Variants in HEATR4 observed in about 807,000 individuals in gnomAD.
HEATR4 encodes HEAT repeat containing 4.
A neutral mutation model predicts 108.8 loss-of-function variants in HEATR4; 95 were observed. That is an observed-to-expected ratio of 0.87 (90% confidence interval 0.74 to 1.04). The LOEUF (loss-of-function observed/expected upper bound fraction) is 1.04. Ranked by LOEUF, HEATR4 falls within the 50% of genes least tolerant of loss-of-function variation. The pLI is 0.00. For synonymous variants in HEATR4, 443 were observed against 459.4 expected (o/e 0.96, Z 0.46); for missense variants, 1,152 against 1,253.8 (o/e 0.92, Z 1.23).
chr14:73,585,798 G>C, the HEATR4 span, among the ~76,000 whole-genome samples: 1 of 149,854 alleles, frequency 6.7e-6, no homozygotes, highest in Non-Finnish European at 1.5e-5. Flanking sequence ...AAAAGTATAG[G>C]AGACCACTGT....
intron 4 of HEATR4, among the ~76,000 whole-genome samples, chr14:73,519,689 A>G (rs1170354769): frequency 6.6e-6 from 1 of 152,158 alleles, no homozygotes; most frequent in African/African-American, 2.4e-5. Flanking sequence ...ACTGCACTCC[A>G]GCCTAGGCAA....
At chr14:73,482,479 G>A (rs966829632) in intron 17 of HEATR4, among the ~76,000 whole-genome samples, 5 of 152,070 alleles carry the variant, frequency 3.3e-5, no homozygotes, top group Non-Finnish European at 7.4e-5. Flanking sequence ...CCGAGACTGC[G>A]CCACTGCACT....
the HEATR4 span, among the ~76,000 whole-genome samples, chr14:73,606,304 C>T: frequency 4.0e-5 from 6 of 151,716 alleles, 1 homozygote; most frequent in South Asian, 8.3e-4. Context: ...TGCGGTAAGC[C>T]GAGATCCTGC....
chr14:73,517,948 T>G (rs1380968125), intron 5 of HEATR4, among the ~76,000 whole-genome samples: 2 of 152,078 alleles, frequency 1.3e-5, no homozygotes, highest in Non-Finnish European at 2.9e-5. Context: ...TAGCTGGGTG[T>G]GGTGGCGCGC....
chr14:73,551,938 A>C (rs1889331555), intron 1 of HEATR4, among the ~76,000 whole-genome samples: 1 of 112,704 alleles, frequency 8.9e-6, no homozygotes, highest in Admixed American at 1.0e-4. Context: ...CTCACTTCCG[A>C]AAGGTAAAGA....
the HEATR4 span, among the ~76,000 whole-genome samples, chr14:73,584,312 C>G: frequency 1.3e-5 from 2 of 151,178 alleles, no homozygotes; most frequent in Admixed American, 6.6e-5. Context: ...TAAACTTCCA[C>G]TCTGCTCTGA....
intron 2 of HEATR4, among the ~76,000 whole-genome samples, chr14:73,528,513 T>G (rs192102295): frequency 6.6e-6 from 1 of 152,020 alleles, no homozygotes; most frequent in Admixed American, 6.6e-5. Flanking sequence ...AACAAAATAT[T>G]ACTAGGTCTG....
chr14:73,554,260 G>A (rs1192770787), intron 1 of HEATR4, among the ~76,000 whole-genome samples: 2 of 114,716 alleles, frequency 1.7e-5, no homozygotes, highest in Non-Finnish European at 3.8e-5. Context: ...TGGTTGCAGT[G>A]AGCCGAGATA....
the HEATR4 span, among the ~76,000 whole-genome samples, chr14:73,602,618 G>A: frequency 4.6e-5 from 7 of 152,098 alleles, no homozygotes; most frequent in South Asian, 4.2e-4. Flanking sequence ...CTTTATTCCC[G>A]CGTTCTCCCC....
At chr14:73,524,310 A>AAAAAAATATATAT in intron 2 of HEATR4, among the ~76,000 whole-genome samples, 7 of 54,780 alleles carry the variant, frequency 1.3e-4, no homozygotes, top group African/African-American at 1.8e-4. Context: ...AAAAAAAAAA[A>AAAAAAATATATAT]ATATATATAT....
chr14:73,630,637 A>C, the HEATR4 span, among the ~76,000 whole-genome samples: 2 of 152,228 alleles, frequency 1.3e-5, no homozygotes, highest in African/African-American at 4.8e-5. Flanking sequence ...TAGAATGGGA[A>C]TCACGACTTA....
chr14:73,514,080 C>T lies in HEATR4; in HGVS notation c.1365G>A (p.Leu455=), dbSNP rs903322463. ...CCTTCAGCATCCTCCGCAGGACCACCAGTTCCCAGGTCACATCCTCCTGCA... is the reference window on the plus strand; with the variant it reads ...CCTTCAGCATCCTCCGCAGGACCACTAGTTCCCAGGTCACATCCTCCTGCA... The part of the protein sequence containing the change: ...KSLQEDVTWE[L]VVLRRMLKEW... Residue 455 remains leucine (L), a synonymous_variant, in exon 6 of 18, where the codon CTG becomes CTA. Coordinates refer to ENST00000553558, the MANE Select transcript of HEATR4 (RefSeq NM_001220484.1). 2 of 1,614,080 alleles carry T rather than the reference C, an allele frequency of 1.2e-6. No individual in the cohort carries two copies. The highest frequency in any genetic ancestry group is 1.6e-4 in the Middle Eastern group (1 of 6,084).
At chr14:73,481,816 G>A (rs12100567) in intron 17 of HEATR4, among the ~76,000 whole-genome samples, 7,474 of 152,022 alleles carry the variant, frequency 0.049, 619 homozygotes, top group African/African-American at 0.17. Flanking sequence ...CTGCACTCCA[G>A]CCTGGGTGAC....
chr14:73,609,874 C>T, the HEATR4 span, among the ~76,000 whole-genome samples: 4 of 151,762 alleles, frequency 2.6e-5, no homozygotes, highest in Admixed American at 1.3e-4. Flanking sequence ...CTCCTGACCT[C>T]GTGATCCACC....
intron 7 of HEATR4, among the ~76,000 whole-genome samples, chr14:73,510,627 G>A (rs781621317): frequency 1.3e-5 from 2 of 152,090 alleles, no homozygotes; most frequent in Admixed American, 6.6e-5. Flanking sequence ...GTAGAGATGA[G>A]GTTTCACCAT....
the HEATR4 span, among the ~76,000 whole-genome samples, chr14:73,603,940 G>T: frequency 6.6e-6 from 1 of 151,990 alleles, no homozygotes; most frequent in Admixed American, 6.6e-5. Context: ...CACCATTTTG[G>T]CCAGGATGGT....
the HEATR4 span, among the ~76,000 whole-genome samples, chr14:73,605,567 T>C: frequency 5.5e-5 from 5 of 90,654 alleles, no homozygotes; most frequent in Non-Finnish European, 9.5e-5. Flanking sequence ...TTTTTTTTTT[T>C]TTTTTTTTTT....
intron 10 of HEATR4, among the ~76,000 whole-genome samples, chr14:73,505,343 C>T (rs1270716651): frequency 2.6e-5 from 4 of 151,954 alleles, no homozygotes; most frequent in Non-Finnish European, 5.9e-5. Flanking sequence ...CTTATTGTTC[C>T]TACCATAGTG....
In HEATR4 at chr14:73,537,129, T is replaced by TG. The variant is rs1343528559; in HGVS notation, c.-151-6886_-151-6885insC. ...CTCCCGAGTAGCCGGGACGAACCAGTCCTGGCCCAGCCCATTCCGCGAGCC... is the reference window on the plus strand; with the variant it reads ...CTCCCGAGTAGCCGGGACGAACCAGTGCCTGGCCCAGCCCATTCCGCGAGCC... On this transcript the variant is annotated intron_variant, in intron 1 of 17. Coordinates refer to ENST00000553558, the MANE Select transcript of HEATR4 (RefSeq NM_001220484.1). The TG allele has an allele frequency of 1.3e-5, 4 of 311,594 alleles. 2 individuals carry two copies. In the East Asian group the frequency reaches 9.2e-4, roughly 71 times the overall value. 19.3% of individuals were successfully genotyped at this position (311,594 alleles called of 1,614,324 possible).
Sources: gnomAD v4.1 joint callset for allele counts (sites outside exome capture counted in the v4.1 genomes callset) on GRCh38, gnomAD v4.1.1 for gene constraint, MANE v1.5 for transcripts, NCBI Gene and HGNC (gene_info 2026-07-23, HGNC 2026-07-21) for gene names.